Variants in KRABD2 observed in about 807,000 individuals in gnomAD.
KRABD2 encodes the protein KRAB domain containing 2.
chr17:8,369,961 C>T, the KRABD2 span: 9 of 1,614,196 alleles, frequency 5.6e-6, no homozygotes, highest in Non-Finnish European at 5.9e-6. Flanking sequence ...CCATATTTTC[C>T]TTGCAGCTCC....
At chr17:8,362,064 C>T in the KRABD2 span, among the ~76,000 whole-genome samples, 2 of 151,874 alleles carry the variant, frequency 1.3e-5, no homozygotes, top group Admixed American at 1.3e-4. The surrounding 1 kb of genome is among the most constrained non-coding windows in gnomAD (Gnocchi z 4.2). Flanking sequence ...TGGTGGCTCA[C>T]GCCTGTAATC....
chr17:8,369,953 A>G, the KRABD2 span: 3 of 1,614,106 alleles, frequency 1.9e-6, no homozygotes, highest in South Asian at 1.1e-5. Context: ...TGACATTCCC[A>G]TATTTTCCTT....
At chr17:8,372,429 G>A in the KRABD2 span, among the ~76,000 whole-genome samples, 2 of 151,854 alleles carry the variant, frequency 1.3e-5, no homozygotes, top group Non-Finnish European at 2.9e-5. The surrounding 1 kb of genome is among the most constrained non-coding windows in gnomAD (Gnocchi z 4.1). Context: ...AACCCAGGCC[G>A]GTCTCGAACT....
chr17:8,369,502 T>C, the KRABD2 span: 12 of 1,614,088 alleles, frequency 7.4e-6, no homozygotes, highest in South Asian at 1.2e-4. Flanking sequence ...GTACTTATCA[T>C]GTTCTTTACA....
chr17:8,371,324 T>G, the KRABD2 span: 1 of 1,612,232 alleles, frequency 6.2e-7, no homozygotes, highest in Non-Finnish European at 8.5e-7. Context: ...GGGACCGTGT[T>G]CTCATAACTG....
the KRABD2 span, among the ~76,000 whole-genome samples, chr17:8,366,737 T>C: frequency 6.6e-6 from 1 of 152,058 alleles, no homozygotes; most frequent in Non-Finnish European, 1.5e-5. Context: ...TTTTTTTTTT[T>C]CTGAGATAGA....
At chr17:8,363,437 C>T in the KRABD2 span, among the ~76,000 whole-genome samples, 4 of 152,152 alleles carry the variant, frequency 2.6e-5, no homozygotes, top group African/African-American at 4.8e-5. Context: ...CTGCAACCTC[C>T]GCCTCCTAGA....
chr17:8,373,393 C>T, the KRABD2 span: 1 of 167,940 alleles, frequency 6.0e-6, no homozygotes, highest in Admixed American at 6.5e-5. Context: ...CCGGGCTGGT[C>T]TCCAGCTCCT....
chr17:8,371,860 C>T, the KRABD2 span: 1 of 1,027,322 alleles, frequency 9.7e-7, no homozygotes, highest in Non-Finnish European at 1.2e-6. Context: ...AGAGATACCC[C>T]AAATGGAGTC....
chr17:8,376,354 G>A, the KRABD2 span: 2 of 1,205,948 alleles, frequency 1.7e-6, no homozygotes, highest in Non-Finnish European at 2.1e-6. Context: ...AACCCGGGGA[G>A]ATGACCAGTA....
the KRABD2 span, among the ~76,000 whole-genome samples, chr17:8,363,024 G>T: frequency 6.6e-6 from 1 of 152,198 alleles, no homozygotes; most frequent in Non-Finnish European, 1.5e-5. Flanking sequence ...AAGAACATGT[G>T]TTACAGATAT....
At chr17:8,371,320 G>C in the KRABD2 span, 3 of 1,607,108 alleles carry the variant, frequency 1.9e-6, no homozygotes, top group Non-Finnish European at 1.7e-6. Flanking sequence ...CTGTGGGACC[G>C]TGTTCTCATA....
the KRABD2 span, chr17:8,368,618 G>C: frequency 6.6e-6 from 1 of 152,194 alleles, no homozygotes; most frequent in African/African-American, 2.4e-5. Context: ...TTTCTGTTAA[G>C]TCACCCATGT....
chr17:8,364,278 C>T, the KRABD2 span, among the ~76,000 whole-genome samples: 9 of 152,306 alleles, frequency 5.9e-5, no homozygotes, highest in Middle Eastern at 6.8e-3. This position sits in a 1 kb window ranked among gnomAD's most constrained non-coding sequence, Gnocchi z 4.4. Context: ...ATAATACAAC[C>T]CTTCCCACTG....
chr17:8,376,509 C>G, the KRABD2 span: 3 of 995,444 alleles, frequency 3.0e-6, no homozygotes, highest in Non-Finnish European at 2.4e-6. Context: ...GTGTAGCCTT[C>G]CTACCCTGAC....
At chr17:8,365,590 A>G in the KRABD2 span, 1 of 152,250 alleles carries the variant, frequency 6.6e-6, no homozygotes, top group Non-Finnish European at 1.5e-5. Flanking sequence ...AGAAATGGCA[A>G]TGAGCAGAGG....
chr17:8,374,937 C>CAAAAAAAAAAAAAAAAAAA, the KRABD2 span, among the ~76,000 whole-genome samples: 68 of 46,188 alleles, frequency 1.5e-3, 2 homozygotes, highest in African/African-American at 4.0e-3. Flanking sequence ...GACTCTGTCA[C>CAAAAAAAAAAAAAAAAAAA]AAAAAAAAAA....
chr17:8,373,246 C>T, the KRABD2 span, among the ~76,000 whole-genome samples: 4 of 152,344 alleles, frequency 2.6e-5, no homozygotes, highest in East Asian at 1.9e-4. Context: ...ACTGTACTGC[C>T]GCCATCTCGG....
chr17:8,374,578 C>T, the KRABD2 span, among the ~76,000 whole-genome samples: 1 of 148,344 alleles, frequency 6.7e-6, no homozygotes, highest in African/African-American at 2.5e-5. Context: ...GTCCTATGAC[C>T]GTGCCAAATC....
Sources: allele counts gnomAD v4.1 joint callset (sites outside exome capture counted in the v4.1 genomes callset), GRCh38; gene constraint gnomAD v4.1.1; non-coding constraint Gnocchi (gnomAD v3.1); transcripts MANE v1.5; gene names NCBI Gene and HGNC (gene_info 2026-07-23, HGNC 2026-07-21).